MSL2: variants seen among roughly 807,000 people sequenced by gnomAD.
MSL2 encodes E3 ubiquitin-protein ligase MSL2.
Under a neutral mutation model 35.8 loss-of-function variants are expected in MSL2, and 2 were observed. That is an observed-to-expected ratio of 0.06 (90% CI 0.02 to 0.18). The LOEUF is 0.18. MSL2 is among the 10% of genes least tolerant of loss of function. MSL2 has a pLI of 1.00. For synonymous variants in MSL2, 296 were observed against 255.7 expected (o/e 1.16, Z -1.50); for missense variants, 523 against 706.7 (o/e 0.74, Z 2.95).
intron 1 of MSL2, among the ~76,000 whole-genome samples, chr3:136,181,921 A>AAAATAAAT (rs144747029): frequency 8.3e-4 from 123 of 147,370 alleles, no homozygotes; most frequent in Middle Eastern, 6.8e-3. Flanking sequence ...TCTGTCTCAA[A>AAAATAAAT]AAATAAATAA....
rs1939410550 is a variant in MSL2 at position 136,152,813 on chromosome 3, C to T, written c.143-75G>A. 2.0e-6 allele frequency: 3 copies of T among 1,525,898 alleles called. No individual in the cohort carries two copies. In the Middle Eastern group the frequency reaches 5.4e-4, roughly 276 times the overall value. The allele number at this position is 1,525,898 out of a possible 1,614,324, so 94.5% of individuals were successfully genotyped here. ...ATTTCATAAACTGAAGTTTAGATGACATAAGTAGTCTATCAAAATTGAGAT... is the reference window on the plus strand; with the variant it reads ...ATTTCATAAACTGAAGTTTAGATGATATAAGTAGTCTATCAAAATTGAGAT... On this transcript the variant is annotated intron_variant, in intron 1 of 1. Transcript: ENST00000309993.
At chr3:136,172,267 C>A (rs1940047864) in intron 1 of MSL2, among the ~76,000 whole-genome samples, 1 of 152,084 alleles carries the variant, frequency 6.6e-6, no homozygotes, top group Non-Finnish European at 1.5e-5. Flanking sequence ...CTCATACTCA[C>A]TCCCCGACAA....
chr3:136,187,777 A>G (rs1380004377), intron 1 of MSL2, among the ~76,000 whole-genome samples: 2 of 152,112 alleles, frequency 1.3e-5, no homozygotes, highest in Non-Finnish European at 2.9e-5. Flanking sequence ...TATAACACTG[A>G]TTTGCAAATC....
intron 1 of MSL2, among the ~76,000 whole-genome samples, chr3:136,170,196 T>C (rs1011429150): frequency 4.7e-5 from 7 of 150,376 alleles, no homozygotes; most frequent in African/African-American, 1.5e-4. Context: ...TATATATATA[T>C]ACAAAAATTA....
rs1165937633 is a variant in MSL2, at chr3:136,151,744, T to A, written c.1137A>T (p.Lys379Asn). The change falls in exon 2 of 2, where the codon AAA becomes AAT. Residue 379 changes from lysine to asparagine, a missense_variant. This residue lies in a region of MSL2 where 361 missense variants were observed against 414.6 expected (regional missense o/e 0.87). Coordinates refer to ENST00000309993, the MANE Select transcript of MSL2 (RefSeq NM_018133.4). The surrounding 1 kb of genome is among the most constrained non-coding windows in gnomAD (Gnocchi z 5.2). ...SAPVTVKRES[K>N]ISLQPIATVP... ...CAGTTGCTATAGGTTGAAGAGAAAT[T>A]TTGCTCTCCCGTTTCACTGTCACAG... The A allele has an allele frequency of 6.2e-7, 1 of 1,614,138 alleles. No individual in the cohort carries two copies. The highest frequency in any genetic ancestry group is 1.1e-5 in the South Asian group (1 of 91,084).
At chr3:136,171,205 A>G (rs1940018393) in intron 1 of MSL2, among the ~76,000 whole-genome samples, 1 of 152,206 alleles carries the variant, frequency 6.6e-6, no homozygotes, top group African/African-American at 2.4e-5. Flanking sequence ...AGTCACTGTT[A>G]CAAGTCAGAT....
chr3:136,184,572 C>T (rs181144385), intron 1 of MSL2, among the ~76,000 whole-genome samples: 1 of 152,072 alleles, frequency 6.6e-6, no homozygotes, highest in Non-Finnish European at 1.5e-5. Context: ...CATTGCACTC[C>T]AGCCTGGACG....
At chr3:136,160,022 A>G (rs1457774258) in intron 1 of MSL2, among the ~76,000 whole-genome samples, 3 of 152,124 alleles carry the variant, frequency 2.0e-5, no homozygotes, top group African/African-American at 7.2e-5. Flanking sequence ...CTGTAATCCC[A>G]GCACTTTGGG....
At chr3:136,162,891 G>A (rs532779636) in intron 1 of MSL2, among the ~76,000 whole-genome samples, 1 of 151,624 alleles carries the variant, frequency 6.6e-6, no homozygotes, top group Admixed American at 6.6e-5. Flanking sequence ...ACTGTTGGCG[G>A]CAGTGTTGAT....
rs865779687 is a variant in MSL2, at chr3:136,195,486, G to A, written c.-373C>T. Reference sequence around the variant, plus strand: ...GCACTCGAGCTCCATCTCCGGACACGGAGGCGCCTCCTCAAGTCGAGCTGG... The same window carrying A: ...GCACTCGAGCTCCATCTCCGGACACAGAGGCGCCTCCTCAAGTCGAGCTGG... On this transcript the variant is annotated 5_prime_UTR_variant, in exon 1 of 2. Coordinates refer to ENST00000309993, the MANE Select transcript of MSL2 (RefSeq NM_018133.4). 1 of 1,017,292 alleles carries A rather than the reference G, an allele frequency of 9.8e-7. No individual in the cohort carries two copies. The highest frequency in any genetic ancestry group is 1.2e-6 in the Non-Finnish European group (1 of 850,424). 63.0% of individuals were successfully genotyped at this position (1,017,292 alleles called of 1,614,324 possible). A position where few individuals can be genotyped will look rare whatever the true frequency, so the allele number is the denominator to read the frequency against.
intron 1 of MSL2, among the ~76,000 whole-genome samples, chr3:136,179,599 G>C (rs1168652621): frequency 6.6e-6 from 1 of 152,072 alleles, no homozygotes; most frequent in Non-Finnish European, 1.5e-5. Context: ...AAGAACTCCT[G>C]GCGACATTTC....
chr3:136,194,665 A>G (rs893061114), intron 1 of MSL2: 9 of 294,150 alleles, frequency 3.1e-5, no homozygotes, highest in African/African-American at 1.6e-4. Flanking sequence ...GGTTTAAGAA[A>G]AAAAAAAAAA....
chr3:136,165,320 GCT>G (rs966770674), intron 1 of MSL2, among the ~76,000 whole-genome samples: 17 of 151,518 alleles, frequency 1.1e-4, no homozygotes, highest in African/African-American at 4.1e-4. Context: ...ATATTTATGT[GCT>G]CTGTCTAAAC....
chr3:136,170,337 G>GAGC (rs140192254), intron 1 of MSL2, among the ~76,000 whole-genome samples: 3,146 of 111,122 alleles, frequency 0.028, 136 homozygotes, highest in African/African-American at 0.12. Context: ...TGGGAGACAA[G>GAGC]AGCAAAAATC....
rs564599318 is a variant in MSL2 at position 136,149,531 on chromosome 3, T to C, written c.*1616A>G. The C allele has an allele frequency of 3.9e-5, 4 of 103,174 alleles. No homozygotes were observed. Among genetic ancestry groups the C allele is most frequent in the African/African-American group, 8.1e-5 (3 of 37,154 alleles). 6.4% of individuals were successfully genotyped at this position (103,174 alleles called of 1,614,324 possible). Reference sequence around the variant, plus strand: ...AACAAAATAGTACATACTGGACACATACATCACATTTTTCTTCCTATGGCT... The same window carrying C: ...AACAAAATAGTACATACTGGACACACACATCACATTTTTCTTCCTATGGCT... On this transcript the variant is annotated 3_prime_UTR_variant, in exon 2 of 2. Coordinates refer to ENST00000309993, the MANE Select transcript of MSL2 (RefSeq NM_018133.4).
chr3:136,188,718 CCT>C (rs1299543564), intron 1 of MSL2, among the ~76,000 whole-genome samples: 4 of 106,644 alleles, frequency 3.8e-5, no homozygotes, highest in Non-Finnish European at 5.6e-5. Context: ...AGAGCAAGAC[CCT>C]GTCTCAAAAA....
At position 136,151,324 on chromosome 3, in the gene MSL2, G is replaced by A; in HGVS notation, c.1557C>T (p.Ala519=). The stretch of plus-strand genomic sequence containing the variant: ...CCAAAGTGAGCCTGGTCTGCTCCAA[G>A]GCCTTTTCTGGCACGGCAAATGCCT... ...KLEAFAVPEK[A]LEQTRLTLGI... Residue 519 remains alanine (A), a synonymous_variant, in exon 2 of 2, where the codon GCC becomes GCT. Transcript: ENST00000309993. This position sits in a 1 kb window ranked among gnomAD's most constrained non-coding sequence, Gnocchi z 5.2. 6.2e-7 allele frequency: 1 copy of A among 1,614,206 alleles called. No homozygotes were observed. Among genetic ancestry groups the A allele is most frequent in the Non-Finnish European group, 8.5e-7 (1 of 1,180,044 alleles).
chr3:136,169,883 C>T (rs1455128738), intron 1 of MSL2, among the ~76,000 whole-genome samples: 1 of 151,822 alleles, frequency 6.6e-6, no homozygotes, highest in Non-Finnish European at 1.5e-5. Flanking sequence ...ATGGTAAAAC[C>T]TCATCTCTAC....
intron 1 of MSL2, 171 bp from the exon 2 acceptor site, chr3:136,152,909 G>A (rs767955407): frequency 1.9e-5 from 19 of 985,228 alleles, no homozygotes; most frequent in Admixed American, 6.2e-5. Flanking sequence ...CAATTAGCTC[G>A]CTTGATTTCA....
Sources: gnomAD v4.1 joint callset for allele counts (sites outside exome capture counted in the v4.1 genomes callset) on GRCh38, gnomAD v4.1.1 for gene constraint, gnomAD v4.1.1 regional missense constraint, Gnocchi (gnomAD v3.1) non-coding constraint, MANE v1.5 for transcripts, NCBI Gene and HGNC (gene_info 2026-07-23, HGNC 2026-07-21) for gene names.